The following FRMD6 variants were observed in gnomAD, a reference collection of about 807,000 sequenced individuals.
The protein encoded by FRMD6 is FERM domain containing 6.
Under a neutral mutation model 73.2 loss-of-function variants are expected in FRMD6, and 37 were observed. That is an observed-to-expected ratio of 0.51 (90% CI 0.39 to 0.66). FRMD6 has a LOEUF of 0.66. FRMD6 is among the 30% of genes least tolerant of loss of function. The pLI, the probability that FRMD6 is intolerant of heterozygous loss-of-function variation, is 0.00. For missense variants in FRMD6, 714 were observed against 780.5 expected, an observed-to-expected ratio of 0.91 and a Z score of 1.02; for synonymous variants, 273 against 282.2, an observed-to-expected ratio of 0.97 and a Z score of 0.33.
At chr14:51,528,537 A>G (rs1455162397) in intron 1 of FRMD6, among the ~76,000 whole-genome samples, 1 of 152,144 alleles carries the variant, frequency 6.6e-6, no homozygotes, top group East Asian at 1.9e-4. Context: ...AAGGTCCCCA[A>G]AGGTAAAACA....
the FRMD6 span, among the ~76,000 whole-genome samples, chr14:51,445,247 G>GC: frequency 6.6e-6 from 1 of 152,078 alleles, no homozygotes; most frequent in Non-Finnish European, 1.5e-5. Context: ...CTGCGACTGG[G>GC]CCCCCCTCAG....
chr14:51,561,990 G>A (rs1184201022), intron 1 of FRMD6, among the ~76,000 whole-genome samples: 1 of 152,128 alleles, frequency 6.6e-6, no homozygotes, highest in Non-Finnish European at 1.5e-5. Context: ...AGCCAATTCA[G>A]CTTCTTTTTC....
chr14:51,715,477 C>G lies in FRMD6; in HGVS notation c.1002C>G (p.Ile334Met). The G allele has an allele frequency of 6.2e-7, 1 of 1,609,912 alleles. No homozygotes were observed. The highest frequency in any genetic ancestry group is 8.5e-7 in the Non-Finnish European group (1 of 1,178,074). The stretch of plus-strand genomic sequence containing the variant: ...ATCTGCAGCCTGTCCTGCGCCATAT[C>G]CGGAAGCTGGAGGAAAACGAAGGTA... ...YMNLQPVLRH[I>M]RKLEENEEKK... Residue 334 changes from isoleucine (I) to methionine (M), a missense_variant, in exon 10 of 14, where the codon ATC becomes ATG. Coordinates refer to ENST00000344768, the MANE Select transcript of FRMD6 (RefSeq NM_001267046.2).
chr14:51,521,000 A>C (rs1194256182), intron 1 of FRMD6, among the ~76,000 whole-genome samples: 1 of 152,272 alleles, frequency 6.6e-6, no homozygotes. Flanking sequence ...CTGATCATTA[A>C]GAAAACATAG....
intron 2 of FRMD6, among the ~76,000 whole-genome samples, chr14:51,602,913 A>C (rs894856574): frequency 3.3e-4 from 50 of 152,206 alleles, no homozygotes; most frequent in African/African-American, 1.2e-3. Context: ...GTATAGCTAT[A>C]CAATTGATTG....
chr14:51,486,013 G>A (rs1485273835), upstream of FRMD6, among the ~76,000 whole-genome samples: 1 of 151,100 alleles, frequency 6.6e-6, no homozygotes, highest in Non-Finnish European at 1.5e-5. Context: ...TTGCAAGTTG[G>A]ATCACTTCCT....
chr14:51,707,732 A>G (rs1382289679), intron 6 of FRMD6, among the ~76,000 whole-genome samples: 1 of 152,162 alleles, frequency 6.6e-6, no homozygotes, highest in Non-Finnish European at 1.5e-5. Flanking sequence ...CATGGTACCA[A>G]GTATAAACTT....
chr14:51,520,130 A>G (rs930624231), intron 1 of FRMD6, among the ~76,000 whole-genome samples: 5 of 152,242 alleles, frequency 3.3e-5, no homozygotes, highest in Admixed American at 1.3e-4. Flanking sequence ...TAAGCAATAC[A>G]AAGACAAACA....
chr14:51,621,688 C>T (rs1890933125), intron 2 of FRMD6, among the ~76,000 whole-genome samples: 2 of 152,068 alleles, frequency 1.3e-5, no homozygotes, highest in South Asian at 4.1e-4. Context: ...TTATATGATA[C>T]CAACACAATA....
intron 2 of FRMD6, among the ~76,000 whole-genome samples, chr14:51,572,848 A>C (rs900539649): frequency 1.2e-4 from 18 of 152,216 alleles, no homozygotes; most frequent in African/African-American, 4.3e-4. Flanking sequence ...TGTCTCCTCA[A>C]ACTAGTCCTT....
At chr14:51,610,681 TGTG>T (rs1890457219) in intron 2 of FRMD6, among the ~76,000 whole-genome samples, 1 of 152,172 alleles carries the variant, frequency 6.6e-6, no homozygotes, top group Non-Finnish European at 1.5e-5. Context: ...ATTCAGAGTA[TGTG>T]GTATGGTCCA....
At chr14:51,682,887 C>T (rs918587418) in intron 1 of FRMD6, among the ~76,000 whole-genome samples, 1 of 152,150 alleles carries the variant, frequency 6.6e-6, no homozygotes, top group African/African-American at 2.4e-5. Flanking sequence ...CTGTGAGTTA[C>T]ATCCCTCTCC....
At chr14:51,582,923 CA>C (rs1290026127) in intron 2 of FRMD6, among the ~76,000 whole-genome samples, 34 of 152,280 alleles carry the variant, frequency 2.2e-4, no homozygotes, top group African/African-American at 7.7e-4. Context: ...ATAAAGGAGT[CA>C]AAAGGTAAGC....
chr14:51,494,673 C>T (rs754055078), intron 1 of FRMD6, among the ~76,000 whole-genome samples: 2 of 152,152 alleles, frequency 1.3e-5, no homozygotes, highest in Non-Finnish European at 2.9e-5. Flanking sequence ...GCAGCCTCAC[C>T]CCCATGGCTG....
intron 1 of FRMD6, among the ~76,000 whole-genome samples, chr14:51,528,324 T>G (rs560182661): frequency 6.6e-6 from 1 of 152,114 alleles, no homozygotes; most frequent in Non-Finnish European, 1.5e-5. Context: ...AATACTACAA[T>G]GTGAAGCACA....
chr14:51,636,151 T>TC lies in FRMD6; in HGVS notation c.-146-53536dup, dbSNP rs1335370305. 3.9e-5 allele frequency among the ~76,000 whole-genome samples: 6 copies of TC among 152,216 alleles called. No individual in the cohort carries two copies. The South Asian group carries it at 1.2e-3, about 32-fold the overall frequency. On this transcript the variant is annotated intron_variant, in intron 2 of 14. Transcript: ENST00000356218. ...GGTGGTGGTGAGACAAGATGGTGGA[T>TC]CCCCGCCCCATTACTCCCCGGAGCC...
chr14:51,467,048 G>C, the FRMD6 span, among the ~76,000 whole-genome samples: 1 of 152,000 alleles, frequency 6.6e-6, no homozygotes, highest in East Asian at 1.9e-4. Flanking sequence ...GACAATAGTG[G>C]AGGGAAGGTC....
At chr14:51,552,457 C>A (rs895820093) in intron 1 of FRMD6, among the ~76,000 whole-genome samples, 1 of 152,194 alleles carries the variant, frequency 6.6e-6, no homozygotes, top group East Asian at 1.9e-4. Flanking sequence ...CCCTGATGCC[C>A]CTAGGGGCTG....
intron 1 of FRMD6, among the ~76,000 whole-genome samples, chr14:51,525,144 ATGGATGGATG>A (rs1566792912): frequency 2.2e-4 from 7 of 31,710 alleles, no homozygotes; most frequent in African/African-American, 1.1e-3. Context: ...AGGTGGGTGG[ATGGATGGATG>A]GATGGATGGA....
Sources: allele counts gnomAD v4.1 joint callset (sites outside exome capture counted in the v4.1 genomes callset), GRCh38; gene constraint gnomAD v4.1.1; transcripts MANE v1.5; gene names NCBI Gene and HGNC (gene_info 2026-07-23, HGNC 2026-07-21).